Variants in PKHD1 observed in about 807,000 individuals in gnomAD.
PKHD1 encodes the protein fibrocystin.
In PKHD1, 291 loss-of-function variants were observed where a neutral mutation model predicts 412.0. That is an observed-to-expected ratio of 0.71 (90% confidence interval 0.64 to 0.78). The LOEUF is 0.78. Among genes scored for constraint, PKHD1 ranks in the 30% least tolerant of loss-of-function variants. The pLI is 0.00. For synonymous variants in PKHD1, 1,777 were observed against 1,821.5 expected, an observed-to-expected ratio of 0.98 and a Z score of 0.62; for missense variants, 4,825 against 4,950.7, an observed-to-expected ratio of 0.97 and a Z score of 0.76.
intron 60 of PKHD1, among the ~76,000 whole-genome samples, chr6:51,707,812 T>C (rs1489738128): frequency 6.6e-6 from 1 of 152,188 alleles, no homozygotes; most frequent in Admixed American, 6.5e-5. Context: ...TACTGTATCA[T>C]CCCACCCACC....
chr6:51,874,435 C>A (rs1368340007), intron 46 of PKHD1, among the ~76,000 whole-genome samples: 2 of 152,134 alleles, frequency 1.3e-5, no homozygotes, highest in Non-Finnish European at 2.9e-5. Flanking sequence ...TTATTCTATT[C>A]ATCTCAATAC....
intron 37 of PKHD1, among the ~76,000 whole-genome samples, chr6:51,927,681 G>A (rs1405508090): frequency 1.3e-5 from 2 of 152,208 alleles, no homozygotes; most frequent in Non-Finnish European, 2.9e-5. Flanking sequence ...GTCTGCATAT[G>A]CAGCCTATTT....
rs111892637 is a variant in PKHD1, at chr6:51,950,224, T to A, written c.5908+9646A>T. Among the ~76,000 whole-genome samples, 705 of 85,298 alleles carry A rather than the reference T, an allele frequency of 8.3e-3. 9 individuals are homozygous for A. The highest frequency in any genetic ancestry group is 0.018 in the South Asian group (43 of 2,380). The allele number at this position is 85,298 out of a possible 152,430, so 56.0% of individuals were successfully genotyped here. A position where few individuals can be genotyped will look rare whatever the true frequency, so the allele number is the denominator to read the frequency against. ...GGCAATATAGAGAAAAAAAAAAATA[T>A]ATATATATATATATATGAAATAAAA... On this transcript the variant is annotated intron_variant, in intron 36 of 66. Transcript: ENST00000371117.
chr6:52,010,535 T>C, intron 34 of PKHD1, 76 bp from the exon 35 acceptor site: 5 of 1,250,342 alleles, frequency 4.0e-6, no homozygotes, highest in Non-Finnish European at 5.9e-6. Flanking sequence ...TTATTAATCA[T>C]TGCAAGCCAT....
At chr6:51,830,066 T>C (rs548173702) in intron 52 of PKHD1, among the ~76,000 whole-genome samples, 1 of 152,216 alleles carries the variant, frequency 6.6e-6, no homozygotes, top group Non-Finnish European at 1.5e-5. Context: ...TTTGACATTA[T>C]CATTATTATT....
At chr6:52,083,540 C>G (rs539336323) in intron 2 of PKHD1, among the ~76,000 whole-genome samples, 20 of 152,262 alleles carry the variant, frequency 1.3e-4, no homozygotes, top group Admixed American at 8.5e-4. Flanking sequence ...TTCAAAAACC[C>G]TGCACTCATC....
At chr6:51,859,289 C>T (rs748577474) in intron 48 of PKHD1, among the ~76,000 whole-genome samples, 3 of 151,750 alleles carry the variant, frequency 2.0e-5, no homozygotes, top group Non-Finnish European at 2.9e-5. Context: ...CACTTTGGGA[C>T]GCCGAGGCGG....
At chr6:51,952,052 G>A (rs1192025128) in intron 36 of PKHD1, among the ~76,000 whole-genome samples, 1 of 152,096 alleles carries the variant, frequency 6.6e-6, no homozygotes, top group Non-Finnish European at 1.5e-5. Context: ...ACTGTAAATT[G>A]TTTAATATCT....
intron 46 of PKHD1, among the ~76,000 whole-genome samples, chr6:51,871,278 G>A (rs922046709): frequency 1.3e-5 from 2 of 152,078 alleles, no homozygotes; most frequent in South Asian, 4.1e-4. Flanking sequence ...CAAGTCAAGT[G>A]CACCTCAATA....
intron 55 of PKHD1, among the ~76,000 whole-genome samples, chr6:51,757,686 T>C (rs1787248760): frequency 6.6e-6 from 1 of 152,066 alleles, no homozygotes; most frequent in Non-Finnish European, 1.5e-5. Flanking sequence ...TTTTTTATTG[T>C]TCATTGATAT....
At position 51,619,418 on chromosome 6, in the gene PKHD1, T is replaced by A. The variant is rs1396947925; in HGVS notation, c.11888A>T (p.Glu3963Val). 11 of 1,613,602 alleles carry A rather than the reference T, an allele frequency of 6.8e-6. No homozygotes were observed. In the African/African-American group the frequency reaches 1.5e-4, roughly 22 times the overall value. Residue 3963 changes from glutamate to valine, a missense_variant, in exon 67 of 67, where the codon GAA (glutamate) becomes GTA (valine). Coordinates refer to ENST00000371117, the MANE Select transcript of PKHD1 (RefSeq NM_138694.4). ...RKVSRHIVRE[E>V]EAAVPAPGTT... ...ACCAGGAGCAGGCACAGCAGCCTCT[T>A]CCTCTCGGACAATGTGGCGGCTAAC...
intron 66 of PKHD1, among the ~76,000 whole-genome samples, chr6:51,625,141 CT>C (rs1767075152): frequency 6.6e-6 from 1 of 152,140 alleles, no homozygotes; most frequent in South Asian, 2.1e-4. Context: ...AATTTATAAT[CT>C]GAATCTAGTA....
chr6:51,721,881 G>A lies in PKHD1; in HGVS notation c.10156+22504C>T, dbSNP rs368451312. 1.3e-5 allele frequency: 21 copies of A among 1,584,756 alleles called. No individual in the cohort carries two copies. In the African/African-American group the frequency reaches 2.7e-4, roughly 20 times the overall value. ...TCTCAATTTGAACAATTGAAACAGT[G>A]TCTTAACAAGTCTTTCCATTTGGTC... On this transcript the variant is annotated intron_variant, in intron 60 of 66. Coordinates refer to ENST00000371117, the MANE Select transcript of PKHD1 (RefSeq NM_138694.4).
chr6:51,638,954 A>G lies in PKHD1; in HGVS notation c.11401T>C (p.Cys3801Arg), dbSNP rs1261598852. The change falls in exon 64 of 67, where the codon TGC becomes CGC. Residue 3801 changes from cysteine to arginine, a missense_variant and splice_region_variant. By Grantham distance (180) the Cys-to-Arg change is radical (BLOSUM62 -3). Coordinates refer to ENST00000371117, the MANE Select transcript of PKHD1 (RefSeq NM_138694.4). ...CCATCTTGAGTTTCTGCCTGGGTGC[A>G]CCCTACAAAAAAGTACAAAACAAAA... ...EGASDSVLKG[C>R]TQAETQDGYV... 1 of 1,610,514 alleles carries G rather than the reference A, an allele frequency of 6.2e-7. No individual in the cohort carries two copies. The highest frequency in any genetic ancestry group is 1.7e-5 in the Admixed American group (1 of 59,996).
At chr6:51,825,038 T>C (rs1290895587) in intron 52 of PKHD1, among the ~76,000 whole-genome samples, 1 of 152,222 alleles carries the variant, frequency 6.6e-6, no homozygotes, top group Non-Finnish European at 1.5e-5. Context: ...CTGTAATTTC[T>C]TATTCATGCA....
intron 15 of PKHD1, 95 bp downstream of exon 15, chr6:52,059,833 T>C: frequency 1.3e-6 from 1 of 742,788 alleles, no homozygotes; most frequent in Admixed American, 1.8e-5. Flanking sequence ...TGTTAAACTA[T>C]CTGTAAAACA....
At chr6:51,650,095 G>A (rs748802075) in intron 61 of PKHD1, among the ~76,000 whole-genome samples, 10 of 152,122 alleles carry the variant, frequency 6.6e-5, no homozygotes, top group Non-Finnish European at 1.2e-4. Context: ...AAGATCTAGA[G>A]TGGTTAACCA....
At position 52,047,648 on chromosome 6, in the gene PKHD1, C is replaced by T. The variant is rs151148842; in HGVS notation, c.2407+844G>A. On this transcript the variant is annotated intron_variant, in intron 23 of 66. Coordinates refer to ENST00000371117, the MANE Select transcript of PKHD1 (RefSeq NM_138694.4). Reference sequence around the variant, plus strand: ...ATAGTACATGGTGTCACCATTAAGTCTAACTCTGACGGACCATGGCTACCA... The same window carrying T: ...ATAGTACATGGTGTCACCATTAAGTTTAACTCTGACGGACCATGGCTACCA... Among the ~76,000 whole-genome samples, 839 of 152,292 alleles carry T rather than the reference C, an allele frequency of 5.5e-3. 3 individuals are homozygous for T. The highest frequency in any genetic ancestry group is 7.5e-3 in the Non-Finnish European group (511 of 68,026).
chr6:51,965,886 TAC>T lies in PKHD1; in HGVS notation c.5752-5862_5752-5861del, dbSNP rs148126594. 3.7e-3 allele frequency among the ~76,000 whole-genome samples: 562 copies of T among 152,262 alleles called. 6 individuals are homozygous for T. Among genetic ancestry groups the T allele is most frequent in the African/African-American group, 0.013 (531 of 41,566 alleles). ...TCAAAGTCTGCAGACAGGACAAATTTACAGTCTTCTTTTATCGTTTCCTCTAT... is the reference window on the plus strand; with the variant it reads ...TCAAAGTCTGCAGACAGGACAAATTTAGTCTTCTTTTATCGTTTCCTCTAT... On this transcript the variant is annotated intron_variant, in intron 35 of 66. Coordinates refer to ENST00000371117, the MANE Select transcript of PKHD1 (RefSeq NM_138694.4).
Sources: gnomAD v4.1 joint callset for allele counts (sites outside exome capture counted in the v4.1 genomes callset) on GRCh38, gnomAD v4.1.1 for gene constraint, MANE v1.5 for transcripts, NCBI Gene and HGNC (gene_info 2026-07-23, HGNC 2026-07-21) for gene names.